RFX3: variants seen among roughly 807,000 people sequenced by gnomAD.
The protein encoded by RFX3 is transcription factor RFX3.
A neutral mutation model predicts 98.6 loss-of-function variants in RFX3; 14 were observed. The observed-to-expected ratio is 0.14, with a 90% CI of 0.09 to 0.22. The LOEUF (loss-of-function observed/expected upper bound fraction) is 0.22. Ranked by LOEUF, RFX3 falls within the 10% of genes least tolerant of loss-of-function variation. The pLI, the probability that RFX3 is intolerant of heterozygous loss-of-function variation, is 1.00. For missense variants in RFX3, 639 were observed against 926.9 expected (o/e 0.69, Z 4.03); for synonymous variants, 383 against 328.4 (o/e 1.17, Z -1.80).
chr9:3,400,182 G>C, intron 1 of RFX3: 9 of 936,652 alleles, frequency 9.6e-6, no homozygotes, highest in Non-Finnish European at 1.1e-5. Context: ...ACTTACCGAA[G>C]GCCATACAGA....
At chr9:3,472,899 T>C (rs1848900915) in intron 1 of RFX3, among the ~76,000 whole-genome samples, 1 of 152,222 alleles carries the variant, frequency 6.6e-6, no homozygotes, top group African/African-American at 2.4e-5. Flanking sequence ...AGCAGTATTA[T>C]GATCCAACTA....
intron 1 of RFX3, among the ~76,000 whole-genome samples, chr9:3,448,770 T>G (rs951673749): frequency 6.6e-6 from 1 of 152,224 alleles, no homozygotes; most frequent in Non-Finnish European, 1.5e-5. Flanking sequence ...TCTTTCCACC[T>G]TGACCTCCCA....
In RFX3 at chr9:3,403,319, T is replaced by TA. The variant is rs553515295; in HGVS notation, c.-8-7724dup. On this transcript the variant is annotated intron_variant, in intron 1 of 16. Coordinates refer to ENST00000617270, the MANE Select transcript of RFX3 (RefSeq NM_001282116.2). ...CAATAAATCAAGTAAATGAGGAATG[T>TA]AAAAAAAGTCATGATTTTCTGTATT... 3.9e-3 allele frequency among the ~76,000 whole-genome samples: 591 copies of TA among 152,200 alleles called. 4 individuals carry two copies. The highest frequency in any genetic ancestry group is 6.0e-3 in the Non-Finnish European group (408 of 67,954).
chr9:3,419,012 C>T (rs1427244301), intron 1 of RFX3, among the ~76,000 whole-genome samples: 4 of 152,166 alleles, frequency 2.6e-5, no homozygotes, highest in Non-Finnish European at 2.9e-5. Flanking sequence ...ATGCTCCATT[C>T]AACCAGAATT....
intron 2 of RFX3, among the ~76,000 whole-genome samples, chr9:3,375,635 C>T (rs945530821): frequency 5.3e-5 from 8 of 152,094 alleles, no homozygotes; most frequent in African/African-American, 1.9e-4. Context: ...TTACTTACAC[C>T]TATGTGAGTG....
At chr9:3,305,329 T>C (rs1426668094) in intron 4 of RFX3, among the ~76,000 whole-genome samples, 1 of 151,912 alleles carries the variant, frequency 6.6e-6, no homozygotes, top group African/African-American at 2.4e-5. Context: ...TAGGGATGTA[T>C]GAAAAATGCT....
intron 1 of RFX3, among the ~76,000 whole-genome samples, chr9:3,493,099 G>A (rs1272782768): frequency 6.6e-6 from 1 of 151,976 alleles, no homozygotes; most frequent in Non-Finnish European, 1.5e-5. Flanking sequence ...ATGGTGCCAG[G>A]CATCTAACCT....
chr9:3,319,617 A>G (rs1296524414), intron 4 of RFX3, among the ~76,000 whole-genome samples: 2 of 152,194 alleles, frequency 1.3e-5, no homozygotes, highest in African/African-American at 4.8e-5. Flanking sequence ...TAATCAATTG[A>G]TAACATATGA....
At chr9:3,425,153 C>T (rs756075819) in intron 1 of RFX3, among the ~76,000 whole-genome samples, 5 of 152,134 alleles carry the variant, frequency 3.3e-5, no homozygotes, top group Non-Finnish European at 5.9e-5. Flanking sequence ...TGGGAAGATG[C>T]GTTAAGTCCA....
At chr9:3,519,000 T>C (rs1289146026) in intron 1 of RFX3, among the ~76,000 whole-genome samples, 1 of 152,226 alleles carries the variant, frequency 6.6e-6, no homozygotes, top group Non-Finnish European at 1.5e-5. Flanking sequence ...TTTATTATTA[T>C]TAAACTTTAC....
chr9:3,465,165 T>C (rs939420008), intron 1 of RFX3, among the ~76,000 whole-genome samples: 1 of 152,194 alleles, frequency 6.6e-6, no homozygotes, highest in African/African-American at 2.4e-5. Context: ...CTGAACTCTT[T>C]ACCCCTATAA....
At chr9:3,362,032 T>C (rs1440410831) in intron 2 of RFX3, among the ~76,000 whole-genome samples, 2 of 152,188 alleles carry the variant, frequency 1.3e-5, no homozygotes, top group Non-Finnish European at 2.9e-5. Context: ...TTATGAATGT[T>C]TGGTATAATT....
In RFX3 at chr9:3,230,546, G is replaced by T. The variant is rs530504489; in HGVS notation, c.1969-1657C>A. The stretch of plus-strand genomic sequence containing the variant: ...ATTATGTGGATTTTCTTGAATTAAA[G>T]AATATAATCTAAACAACAAAAACCC... On this transcript the variant is annotated intron_variant, in intron 15 of 16. Coordinates refer to ENST00000617270, the MANE Select transcript of RFX3 (RefSeq NM_001282116.2). 6.6e-5 allele frequency among the ~76,000 whole-genome samples: 10 copies of T among 152,044 alleles called. No individual in the cohort carries two copies. The South Asian group carries it at 2.1e-3, about 32-fold the overall frequency.
chr9:3,477,640 G>A (rs1052907813), intron 1 of RFX3, among the ~76,000 whole-genome samples: 2 of 152,066 alleles, frequency 1.3e-5, no homozygotes, highest in East Asian at 3.8e-4. Context: ...ATCACTTTGG[G>A]CTTATTCAAC....
intron 4 of RFX3, among the ~76,000 whole-genome samples, chr9:3,327,779 T>C (rs994896615): frequency 1.3e-5 from 2 of 152,136 alleles, no homozygotes; most frequent in African/African-American, 4.8e-5. Context: ...ATCTGTTTAA[T>C]TTACCAGTTA....
At chr9:3,462,596 ACTGC>A (rs1847797661) in intron 1 of RFX3, among the ~76,000 whole-genome samples, 1 of 152,056 alleles carries the variant, frequency 6.6e-6, no homozygotes, top group Non-Finnish European at 1.5e-5. Flanking sequence ...AGTAGTAAAA[ACTGC>A]CTTTATTTGC....
intron 13 of RFX3, among the ~76,000 whole-genome samples, chr9:3,259,936 A>C (rs1157639960): frequency 1.3e-5 from 2 of 152,064 alleles, no homozygotes; most frequent in African/African-American, 4.8e-5. Context: ...TTATATTGTC[A>C]GATTATTGAG....
At chr9:3,229,692 TA>T (rs1300237127) in intron 15 of RFX3, among the ~76,000 whole-genome samples, 1 of 152,208 alleles carries the variant, frequency 6.6e-6, no homozygotes, top group Non-Finnish European at 1.5e-5. Flanking sequence ...GCAAAGCATC[TA>T]CTTTTAAAAC....
intron 4 of RFX3, chr9:3,324,255 T>C (rs144896567): frequency 4.8e-6 from 1 of 208,392 alleles, no homozygotes; most frequent in African/African-American, 2.3e-5. Flanking sequence ...TTTTGTCACA[T>C]AAAATAAGAA....
Sources: allele counts gnomAD v4.1 joint callset (sites outside exome capture counted in the v4.1 genomes callset), GRCh38; gene constraint gnomAD v4.1.1; transcripts MANE v1.5; gene names NCBI Gene and HGNC (gene_info 2026-07-23, HGNC 2026-07-21).